The following FMN1 variants were observed in gnomAD, a reference collection of about 807,000 sequenced individuals.
FMN1 encodes formin 1.
FMN1 carries 110 observed loss-of-function variants against 132.4 expected under a neutral mutation model. That is an observed-to-expected ratio of 0.83 (90% CI 0.71 to 0.97). The LOEUF is 0.97. Among genes scored for constraint, FMN1 ranks in the 50% least tolerant of loss-of-function variants. FMN1 has a pLI of 0.00. For synonymous variants in FMN1, 722 were observed against 651.7 expected, an observed-to-expected ratio of 1.11 and a Z score of -1.64; for missense variants, 1,792 against 1,705.3, an observed-to-expected ratio of 1.05 and a Z score of -0.90.
chr15:33,019,105 C>T (rs929605809), intron 6 of FMN1, among the ~76,000 whole-genome samples: 3 of 152,186 alleles, frequency 2.0e-5, no homozygotes, highest in African/African-American at 4.8e-5. Flanking sequence ...CCACCCACAT[C>T]CTGCTCATTG....
intron 17 of FMN1, among the ~76,000 whole-genome samples, chr15:32,851,469 C>A (rs1386130053): frequency 6.6e-6 from 1 of 152,128 alleles, no homozygotes; most frequent in Non-Finnish European, 1.5e-5. Flanking sequence ...CATGTTTGAT[C>A]TGAGGGTGGG....
At chr15:32,848,239 G>A (rs2058907204) in intron 17 of FMN1, among the ~76,000 whole-genome samples, 1 of 152,184 alleles carries the variant, frequency 6.6e-6, no homozygotes, top group African/African-American at 2.4e-5. Context: ...TGTGACGCCT[G>A]AAACTGAAGT....
intron 17 of FMN1, among the ~76,000 whole-genome samples, chr15:32,819,805 T>C (rs993697049): frequency 2.0e-5 from 3 of 152,212 alleles, no homozygotes; most frequent in South Asian, 2.1e-4. Context: ...CAGTCATGTA[T>C]AGAAGCTCAG....
At chr15:32,890,371 A>T (rs1266382832) in intron 15 of FMN1, among the ~76,000 whole-genome samples, 1 of 152,200 alleles carries the variant, frequency 6.6e-6, no homozygotes, top group African/African-American at 2.4e-5. Flanking sequence ...CTGACTGTAC[A>T]AGTTTACATT....
chr15:33,157,384 T>C (rs1031875145), intron 3 of FMN1, among the ~76,000 whole-genome samples: 9 of 152,142 alleles, frequency 5.9e-5, no homozygotes, highest in Admixed American at 5.9e-4. Flanking sequence ...ACTGAGCACA[T>C]ATACACTTAT....
chr15:32,987,382 T>C (rs545291339), intron 7 of FMN1, among the ~76,000 whole-genome samples: 2 of 152,296 alleles, frequency 1.3e-5, no homozygotes, highest in Admixed American at 1.3e-4. Context: ...TCCATGCCAG[T>C]CATGTACTCC....
chr15:32,956,078 C>CT (rs2061760930), intron 9 of FMN1, among the ~76,000 whole-genome samples: 1 of 152,256 alleles, frequency 6.6e-6, no homozygotes. Flanking sequence ...TATGAGAAGA[C>CT]TAAAGAGAGA....
Position 32,856,969 on chromosome 15 carries a change from G to A in FMN1, c.3928+46C>T, listed in dbSNP as rs370762225. ...CTCAGAGAAAGATTCATGGAATGAA[G>A]GATGTTTCAGGGCCACGTGTATGTG... is the stretch of plus-strand genomic sequence containing the variant. On this transcript the variant is annotated intron_variant, in intron 17 of 20. Coordinates refer to ENST00000616417, the MANE Select transcript of FMN1 (RefSeq NM_001277313.2). 1.6e-4 allele frequency: 218 copies of A among 1,347,496 alleles called. No individual in the cohort carries two copies. In the African/African-American group the frequency reaches 2.7e-3, roughly 17 times the overall value. 83.5% of individuals were successfully genotyped at this position (1,347,496 alleles called of 1,614,324 possible). A position where few individuals can be genotyped will look rare whatever the true frequency, so the allele number is the denominator to read the frequency against.
At chr15:32,960,219 C>T (rs1283867643) in intron 9 of FMN1, among the ~76,000 whole-genome samples, 1 of 152,124 alleles carries the variant, frequency 6.6e-6, no homozygotes, top group East Asian at 1.9e-4. Flanking sequence ...AAAGATACTA[C>T]CAACATGGCA....
chr15:33,139,053 A>G (rs557887233), intron 4 of FMN1, among the ~76,000 whole-genome samples: 84 of 152,350 alleles, frequency 5.5e-4, no homozygotes, highest in African/African-American at 1.9e-3. Context: ...ATATTTTAAT[A>G]ATTATGTAAG....
At chr15:32,991,667 C>T (rs947945423) in intron 7 of FMN1, among the ~76,000 whole-genome samples, 2 of 152,080 alleles carry the variant, frequency 1.3e-5, no homozygotes, top group African/African-American at 4.8e-5. Flanking sequence ...CTTTAAATGG[C>T]TAAAATCGCT....
intron 16 of FMN1, among the ~76,000 whole-genome samples, chr15:32,880,689 T>C (rs1036510384): frequency 4.6e-5 from 7 of 152,224 alleles, no homozygotes; most frequent in Admixed American, 1.3e-4. Context: ...ATTTGACTAA[T>C]AGTTTGGTGG....
At chr15:32,913,483 G>C (rs1198282158) in intron 10 of FMN1, among the ~76,000 whole-genome samples, 1 of 151,972 alleles carries the variant, frequency 6.6e-6, no homozygotes, top group Non-Finnish European at 1.5e-5. Context: ...CTCCTACCAT[G>C]TTCTCCATGC....
intron 4 of FMN1, among the ~76,000 whole-genome samples, chr15:33,102,436 G>T (rs180964949): frequency 1.3e-3 from 194 of 152,178 alleles, no homozygotes; most frequent in African/African-American, 4.5e-3. Context: ...TAAGTAAATG[G>T]AAGCTAGTGT....
intron 5 of FMN1, among the ~76,000 whole-genome samples, chr15:33,073,975 C>A (rs938427426): frequency 6.6e-6 from 1 of 152,162 alleles, no homozygotes; most frequent in Non-Finnish European, 1.5e-5. Context: ...AAGTAATCTG[C>A]CCACCTCGGC....
chr15:33,128,768 G>C (rs976496516), intron 4 of FMN1, among the ~76,000 whole-genome samples: 1 of 152,214 alleles, frequency 6.6e-6, no homozygotes, highest in East Asian at 1.9e-4. Flanking sequence ...CTTAAAAGTG[G>C]TATGGACCCA....
chr15:33,116,875 A>G (rs935306225), intron 4 of FMN1, among the ~76,000 whole-genome samples: 77 of 152,174 alleles, frequency 5.1e-4, no homozygotes, highest in African/African-American at 1.8e-3. Flanking sequence ...AGATCTTTCG[A>G]AAGTTTGTTG....
In FMN1 at chr15:32,969,359, C is replaced by T; in HGVS notation, c.2342G>A (p.Cys781Tyr). Reference sequence around the variant, plus strand: ...AATGCACACATCTTTCCTCTCTTCACAACCCCCTCGCCATCTGTGTTCTAG... The same window carrying T: ...AATGCACACATCTTTCCTCTCTTCATAACCCCCTCGCCATCTGTGTTCTAG... ...HELEHRWRGG[C>Y]EERKDVCIST... The change falls in exon 8 of 21, where the codon TGT (cysteine) becomes TAT (tyrosine). Residue 781 changes from cysteine to tyrosine, a missense_variant. Coordinates refer to ENST00000616417, the MANE Select transcript of FMN1 (RefSeq NM_001277313.2). 6.2e-7 allele frequency: 1 copy of T among 1,613,970 alleles called. No homozygotes were observed. The highest frequency in any genetic ancestry group is 2.2e-5 in the East Asian group (1 of 44,884).
At chr15:33,058,090 G>GC (rs2037315383) in intron 6 of FMN1, among the ~76,000 whole-genome samples, 32 of 110,552 alleles carry the variant, frequency 2.9e-4, no homozygotes, top group South Asian at 6.3e-4. Context: ...TGTGATGGGG[G>GC]TGCTGGTGGA....
Sources: gnomAD v4.1 joint callset for allele counts (sites outside exome capture counted in the v4.1 genomes callset) on GRCh38, gnomAD v4.1.1 for gene constraint, MANE v1.5 for transcripts, NCBI Gene and HGNC (gene_info 2026-07-23, HGNC 2026-07-21) for gene names.